SH3BGRL2: variants seen among roughly 807,000 people sequenced by gnomAD.
SH3BGRL2 encodes SH3 domain-binding glutamic acid-rich-like protein 2.
A neutral mutation model predicts 14.8 loss-of-function variants in SH3BGRL2; 21 were observed. The observed-to-expected ratio is 1.42, with a 90% confidence interval of 1.01 to 2.05. The LOEUF (loss-of-function observed/expected upper bound fraction) is 2.05, where lower values mean the gene tolerates loss of function less well. SH3BGRL2 is among the 30% of genes most tolerant of loss of function. The pLI, the probability that SH3BGRL2 is intolerant of heterozygous loss-of-function variation, is 0.00. For synonymous variants in SH3BGRL2, 50 were observed against 47.8 expected, an observed-to-expected ratio of 1.05 and a Z score of -0.19; for missense variants, 147 against 130.8, an observed-to-expected ratio of 1.12 and a Z score of -0.61.
At chr6:79,588,163 C>T in the SH3BGRL2 span, among the ~76,000 whole-genome samples, 6 of 151,932 alleles carry the variant, frequency 3.9e-5, 1 homozygote, top group African/African-American at 1.4e-4. Context: ...CATGGTGGCA[C>T]GTGTCTGTAG....
At chr6:79,683,057 G>A (rs1423286232) in intron 2 of SH3BGRL2, among the ~76,000 whole-genome samples, 2 of 152,156 alleles carry the variant, frequency 1.3e-5, no homozygotes, top group Non-Finnish European at 2.9e-5. Context: ...TCGAGCGGGG[G>A]AGCTGGGGGA....
At chr6:79,583,602 C>T in the SH3BGRL2 span, among the ~76,000 whole-genome samples, 1 of 151,928 alleles carries the variant, frequency 6.6e-6, no homozygotes, top group Non-Finnish European at 1.5e-5. Flanking sequence ...GGACACAGAG[C>T]GGGGAACATC....
At chr6:79,594,839 T>G in the SH3BGRL2 span, among the ~76,000 whole-genome samples, 1 of 152,178 alleles carries the variant, frequency 6.6e-6, no homozygotes, top group African/African-American at 2.4e-5. Flanking sequence ...AAGTTCAGAT[T>G]AAGTAGAGGT....
the SH3BGRL2 span, among the ~76,000 whole-genome samples, chr6:79,578,115 G>A: frequency 8.5e-5 from 13 of 152,238 alleles, no homozygotes; most frequent in South Asian, 2.1e-4. Context: ...CAAAGCAGCC[G>A]GGAAGCTCAA....
At chr6:79,559,880 A>G in the SH3BGRL2 span, among the ~76,000 whole-genome samples, 1 of 152,230 alleles carries the variant, frequency 6.6e-6, no homozygotes, top group Non-Finnish European at 1.5e-5. Context: ...AATGTAAACA[A>G]TAGGTGAATC....
At chr6:79,683,971 G>A (rs1170463954) in intron 2 of SH3BGRL2, among the ~76,000 whole-genome samples, 1 of 152,196 alleles carries the variant, frequency 6.6e-6, no homozygotes, top group Admixed American at 6.5e-5. Flanking sequence ...TAGGGTATCT[G>A]CAGTAATAAT....
chr6:79,640,106 T>C (rs1194077191), intron 1 of SH3BGRL2, among the ~76,000 whole-genome samples: 1 of 151,978 alleles, frequency 6.6e-6, no homozygotes, highest in Non-Finnish European at 1.5e-5. Flanking sequence ...CATGTGTTAG[T>C]TTTTGGGGGG....
At chr6:79,627,813 T>A (rs1473028686), upstream of SH3BGRL2, among the ~76,000 whole-genome samples, 3 of 152,118 alleles carry the variant, frequency 2.0e-5, no homozygotes, top group Admixed American at 1.3e-4. Context: ...TAGGCTTCTG[T>A]AGATTTAGAT....
rs543909594 is a variant in SH3BGRL2, at chr6:79,700,216, G to A, written c.*707G>A. The A allele has an allele frequency of 1.3e-5, 2 of 152,182 alleles. No individual in the cohort carries two copies. The highest frequency in any genetic ancestry group is 4.2e-4 in the South Asian group (2 of 4,810). 9.4% of individuals were successfully genotyped at this position (152,182 alleles called of 1,614,324 possible). A position where few individuals can be genotyped will look rare whatever the true frequency, so the allele number is the denominator to read the frequency against. On this transcript the variant is annotated 3_prime_UTR_variant, in exon 4 of 4. Transcript: ENST00000369838. Reference sequence around the variant, plus strand: ...TATATGCTTCTTTATTTCTTGCAAGGGGCAAGTTTCACCCAAATGCCTGAG... The same window carrying A: ...TATATGCTTCTTTATTTCTTGCAAGAGGCAAGTTTCACCCAAATGCCTGAG...
intron 3 of SH3BGRL2, among the ~76,000 whole-genome samples, chr6:79,697,639 A>G (rs768617726): frequency 6.6e-5 from 10 of 152,198 alleles, no homozygotes; most frequent in Non-Finnish European, 1.0e-4. Context: ...GGTGGTTTCC[A>G]TGCACATGTT....
intron 1 of SH3BGRL2, among the ~76,000 whole-genome samples, chr6:79,651,810 A>C (rs1185819254): frequency 1.3e-5 from 2 of 152,164 alleles, no homozygotes; most frequent in East Asian, 1.9e-4. Flanking sequence ...CGTGGGTATA[A>C]ATGGGAGTTT....
intron 1 of SH3BGRL2, among the ~76,000 whole-genome samples, chr6:79,648,728 A>T (rs1582718012): frequency 1.3e-5 from 2 of 152,286 alleles, no homozygotes; most frequent in South Asian, 4.1e-4. Flanking sequence ...TGCAAAAGAA[A>T]CACTGTTTCT....
At chr6:79,541,232 G>A in the SH3BGRL2 span, among the ~76,000 whole-genome samples, 1 of 151,956 alleles carries the variant, frequency 6.6e-6, no homozygotes, top group Non-Finnish European at 1.5e-5. Context: ...CAGCCTGGGC[G>A]GCAGAGTGAG....
the SH3BGRL2 span, among the ~76,000 whole-genome samples, chr6:79,570,808 T>A: frequency 3.9e-4 from 59 of 152,310 alleles, no homozygotes; most frequent in African/African-American, 1.4e-3. Flanking sequence ...CTAATTTTCA[T>A]ATATTAGATT....
At chr6:79,674,916 A>G (rs1017972460) in intron 2 of SH3BGRL2, among the ~76,000 whole-genome samples, 2 of 152,210 alleles carry the variant, frequency 1.3e-5, no homozygotes, top group African/African-American at 4.8e-5. Flanking sequence ...TGATCGTTTC[A>G]AAAGCATTTC....
intron 1 of SH3BGRL2, 43 bp from the exon 2 acceptor site, chr6:79,673,571 T>C: frequency 6.3e-7 from 1 of 1,578,700 alleles, no homozygotes; most frequent in Non-Finnish European, 8.7e-7. Flanking sequence ...ACATACTGTT[T>C]CAGATAAGCG....
chr6:79,676,054 G>A lies in SH3BGRL2; in HGVS notation c.231+2255G>A, dbSNP rs562007228. Among the ~76,000 whole-genome samples the A allele has an allele frequency of 3.0e-4, 45 of 152,218 alleles. 1 individual carries two copies. The South Asian group carries it at 9.3e-3, about 32-fold the overall frequency. ...AGCATTCTCATTGCAGATATTGATA[G>A]TAGTATCTGTAGGTCTTTTCTCAGA... is the stretch of plus-strand genomic sequence containing the variant. On this transcript the variant is annotated intron_variant, in intron 2 of 3. Transcript: ENST00000369838.
chr6:79,612,276 A>G, the SH3BGRL2 span, among the ~76,000 whole-genome samples: 1 of 152,100 alleles, frequency 6.6e-6, no homozygotes, highest in African/African-American at 2.4e-5. Context: ...ACTCCAGGCC[A>G]GGCAACAGCG....
the SH3BGRL2 span, among the ~76,000 whole-genome samples, chr6:79,554,328 G>A: frequency 6.6e-6 from 1 of 152,138 alleles, no homozygotes; most frequent in African/African-American, 2.4e-5. Context: ...AAATTCCAGG[G>A]GGTAGGGGTG....
Sources: allele counts gnomAD v4.1 joint callset (sites outside exome capture counted in the v4.1 genomes callset), GRCh38; gene constraint gnomAD v4.1.1; transcripts MANE v1.5; gene names NCBI Gene and HGNC (gene_info 2026-07-23, HGNC 2026-07-21).